Variants in PTPRF observed in about 807,000 individuals in gnomAD.
PTPRF encodes the protein receptor-type tyrosine-protein phosphatase F.
PTPRF carries 59 observed loss-of-function variants against 201.8 expected under a neutral mutation model. The observed-to-expected ratio is 0.29, with a 90% confidence interval of 0.24 to 0.36. The LOEUF (loss-of-function observed/expected upper bound fraction) is 0.36. PTPRF is among the 10% of genes least tolerant of loss of function. The pLI, the probability that PTPRF is intolerant of heterozygous loss-of-function variation, is 1.00. For synonymous variants in PTPRF, 1,088 were observed against 1,089.7 expected (o/e 1.00, Z 0.03); for missense variants, 2,132 against 2,690.5 (o/e 0.79, Z 4.59).
At position 43,592,475 on chromosome 1, in the gene PTPRF, C is replaced by T. The variant is rs771037116; in HGVS notation, c.1687C>T (p.Pro563Ser). The change falls in exon 11 of 34, where the codon CCA becomes TCA. Residue 563 changes from proline to serine, a missense_variant. Transcript: ENST00000359947. ...EDQQHKVTFD[P>S]TSSYTLEDLK... ...TTCCCAGCACAAGGTGACCTTCGAC[C>T]CAACCTCCTCCTACACACTAGAGGA... is the stretch of plus-strand genomic sequence containing the variant. The T allele has an allele frequency of 2.5e-6, 4 of 1,611,154 alleles. No individual in the cohort carries two copies. The Admixed American group carries it at 6.7e-5, about 27-fold the overall frequency.
intron 1 of PTPRF, among the ~76,000 whole-genome samples, chr1:43,536,255 C>T (rs976020344): frequency 6.6e-6 from 1 of 152,088 alleles, no homozygotes; most frequent in Non-Finnish European, 1.5e-5. Context: ...GAATCTGAGT[C>T]TTTATTTGGT....
At chr1:43,568,345 G>T (rs934141716) in intron 5 of PTPRF, among the ~76,000 whole-genome samples, 1 of 151,900 alleles carries the variant, frequency 6.6e-6, no homozygotes, top group African/African-American at 2.4e-5. Flanking sequence ...CTAGTGGGAA[G>T]GGCCTCTCAC....
intron 14 of PTPRF, among the ~76,000 whole-genome samples, chr1:43,602,902 G>T (rs766888866): frequency 2.6e-5 from 4 of 152,164 alleles, no homozygotes; most frequent in Non-Finnish European, 5.9e-5. Context: ...AGAGTTAGTG[G>T]CCTATATGGG....
chr1:43,551,004 G>T (rs1471504243), intron 3 of PTPRF, among the ~76,000 whole-genome samples: 1 of 152,222 alleles, frequency 6.6e-6, no homozygotes, highest in Non-Finnish European at 1.5e-5. Context: ...CAGACCCCGC[G>T]GCTTTGTCTG....
chr1:43,544,250 G>A (rs1162369075), intron 2 of PTPRF, among the ~76,000 whole-genome samples: 1 of 152,220 alleles, frequency 6.6e-6, no homozygotes, highest in Non-Finnish European at 1.5e-5. Context: ...GAGATGTGAG[G>A]TTTGAATTCT....
In PTPRF at chr1:43,602,075, G is replaced by A. The variant is rs760137603; in HGVS notation, c.2318G>A (p.Arg773Gln). Residue 773 changes from arginine to glutamine, a missense_variant, in exon 14 of 34, where the codon CGG becomes CAG. Transcript: ENST00000359947. The part of the protein sequence containing the change: ...QDVMLAEAQW[R>Q]PEESEDYETT... ...CTCTCCCTCTCCCGCGGTCAGTGGCGGCCAGAGGAGTCCGAGGACTATGTA... is the reference window on the plus strand; with the variant it reads ...CTCTCCCTCTCCCGCGGTCAGTGGCAGCCAGAGGAGTCCGAGGACTATGTA... 60 of 1,613,476 alleles carry A rather than the reference G, an allele frequency of 3.7e-5. No homozygotes were observed. The highest frequency in any genetic ancestry group is 1.7e-4 in the Middle Eastern group (1 of 6,060).
chr1:43,598,681 AC>A (rs1482419150), intron 12 of PTPRF, 38 bp from the exon 13 acceptor site: 1 of 1,582,610 alleles, frequency 6.3e-7, no homozygotes, highest in Non-Finnish European at 8.6e-7. Context: ...TAGGGTTGAT[AC>A]CTCCAGGCCT....
chr1:43,607,857 C>A (rs1655512466), intron 21 of PTPRF, among the ~76,000 whole-genome samples: 1 of 152,258 alleles, frequency 6.6e-6, no homozygotes, highest in African/African-American at 2.4e-5. Context: ...CCTACCCCTT[C>A]CTTGCACAGC....
rs150383467 is a variant in PTPRF, at chr1:43,608,285, G to A, written c.3858-1098G>A. Among the ~76,000 whole-genome samples the A allele has an allele frequency of 1.1e-4, 17 of 152,324 alleles. No individual in the cohort carries two copies. The East Asian group carries it at 1.5e-3, about 14-fold the overall frequency. ...TGAGTGCTTGGTGGAAACTGTGACC[G>A]TTCCTTTCTTCTGTCCTTGCTTGTC... On this transcript the variant is annotated intron_variant, in intron 21 of 33. Coordinates refer to ENST00000359947, the MANE Select transcript of PTPRF (RefSeq NM_002840.5).
At chr1:43,577,862 C>T (rs1441807324) in intron 6 of PTPRF, among the ~76,000 whole-genome samples, 1 of 152,162 alleles carries the variant, frequency 6.6e-6, no homozygotes, top group Non-Finnish European at 1.5e-5. Flanking sequence ...GCTGCCTGTG[C>T]CCGGGGGTGT....
chr1:43,611,543 C>G (rs985122096), intron 22 of PTPRF, among the ~76,000 whole-genome samples: 1 of 152,180 alleles, frequency 6.6e-6, no homozygotes, highest in Non-Finnish European at 1.5e-5. Flanking sequence ...GGCTAAGGGG[C>G]TTAGACTTCC....
chr1:43,553,511 A>T lies in PTPRF; in HGVS notation c.111A>T (p.Lys37Asn). Reference sequence around the variant, plus strand: ...TTCCAGGCAAACCTGTCTTCATTAAAGTCCCTGAGGACCAGACTGGGCTGT... The same window carrying T: ...TTCCAGGCAAACCTGTCTTCATTAATGTCCCTGAGGACCAGACTGGGCTGT... ...AHGDSKPVFI[K>N]VPEDQTGLSG... Residue 37 changes from lysine to asparagine, a missense_variant, in exon 4 of 34, where the codon AAA (lysine) becomes AAT (asparagine). By Grantham distance (94) the Lys-to-Asn change is moderately conservative. This residue lies in a region of PTPRF where 297 missense variants were observed against 454.0 expected (regional missense o/e 0.65). Coordinates refer to ENST00000359947, the MANE Select transcript of PTPRF (RefSeq NM_002840.5). The surrounding 1 kb of genome is among the most constrained non-coding windows in gnomAD (Gnocchi z 4.1). 6.2e-7 allele frequency: 1 copy of T among 1,614,086 alleles called. No individual in the cohort carries two copies. The highest frequency in any genetic ancestry group is 8.5e-7 in the Non-Finnish European group (1 of 1,179,972).
chr1:43,611,328 C>T (rs954770589), intron 22 of PTPRF, among the ~76,000 whole-genome samples: 1 of 152,152 alleles, frequency 6.6e-6, no homozygotes, highest in African/African-American at 2.4e-5. Flanking sequence ...GGATGCTGAG[C>T]CATGTGGTTA....
chr1:43,603,905 TC>T lies in PTPRF; in HGVS notation c.2758del (p.Gln920LysfsTer5). ...ACCCCCGAGGACCTGCCCAGCGGCT[TC>T]CCCCAAAACCTGCATGTGACAGGAC... Reference protein sequence around the residue: ...IRTPEDLPSGFPQNLHVTGLT... With the variant: ...IRTPEDLPSGXPQNLHVTGLT... On this transcript the variant is annotated frameshift_variant, in exon 16 of 34. Transcript: ENST00000359947. LOFTEE classifies it high-confidence loss of function. The surrounding 1 kb of genome is among the most constrained non-coding windows in gnomAD (Gnocchi z 5.8). 6.2e-7 allele frequency: 1 copy of T among 1,613,648 alleles called. No homozygotes were observed. The highest frequency in any genetic ancestry group is 8.5e-7 in the Non-Finnish European group (1 of 1,179,936).
chr1:43,546,911 C>G lies in PTPRF; in HGVS notation c.91+1745C>G, dbSNP rs1244033102. ...GAATATCTTTGGAATGCATCCACTTCTCTCTCTACCGCCTTCATCCAAGCC... is the reference window on the plus strand; with the variant it reads ...GAATATCTTTGGAATGCATCCACTTGTCTCTCTACCGCCTTCATCCAAGCC... On this transcript the variant is annotated intron_variant, in intron 3 of 33. Transcript: ENST00000359947. The surrounding 1 kb of genome is among the most constrained non-coding windows in gnomAD (Gnocchi z 4.2). Among the ~76,000 whole-genome samples the G allele has an allele frequency of 6.6e-6, 1 of 152,224 alleles. No individual in the cohort carries two copies. Among genetic ancestry groups the G allele is most frequent in the Non-Finnish European group, 1.5e-5 (1 of 68,034 alleles).
In PTPRF at chr1:43,566,749, C is replaced by T. The variant is rs1229628659; in HGVS notation, c.380-2841C>T. 2.6e-5 allele frequency among the ~76,000 whole-genome samples: 4 copies of T among 152,332 alleles called. No homozygotes were observed. In the East Asian group the frequency reaches 7.7e-4, roughly 29 times the overall value. On this transcript the variant is annotated intron_variant, in intron 5 of 33. Transcript: ENST00000359947. ...CCCTCCTGTAAGACCCACTTCCCTT[C>T]CCGGGTGGCAGAGTGGCAGACTTCC...
intron 5 of PTPRF, among the ~76,000 whole-genome samples, chr1:43,556,863 C>T (rs2842176): frequency 0.28 from 43,210 of 152,086 alleles, 6,607 homozygotes; most frequent in South Asian, 0.41. Flanking sequence ...CTCCGTGCTG[C>T]GTGGCATCAT....
Position 43,537,562 on chromosome 1 carries a change from G to T in PTPRF, c.-125-636G>T, listed in dbSNP as rs1281002546. 6.6e-6 allele frequency among the ~76,000 whole-genome samples: 1 copy of T among 152,248 alleles called. No individual in the cohort carries two copies. The highest frequency in any genetic ancestry group is 1.5e-5 in the Non-Finnish European group (1 of 68,052). ...CCATGCTCCTATCAAGCTTATGGTA[G>T]TGACTCAGTAATTGTAAAAATATAT... is the stretch of plus-strand genomic sequence containing the variant. On this transcript the variant is annotated intron_variant, in intron 1 of 33. Coordinates refer to ENST00000359947, the MANE Select transcript of PTPRF (RefSeq NM_002840.5). This position sits in a 1 kb window ranked among gnomAD's most constrained non-coding sequence, Gnocchi z 4.8.
At chr1:43,530,759 C>A (rs1345999624), upstream of PTPRF, 4 of 152,840 alleles carry the variant, frequency 2.6e-5, no homozygotes, top group Non-Finnish European at 5.9e-5. This position sits in a 1 kb window ranked among gnomAD's most constrained non-coding sequence, Gnocchi z 4.1. Context: ...TGGGCCTCAG[C>A]GGCTCCGCGG....
Sources: gnomAD v4.1 joint callset for allele counts (sites outside exome capture counted in the v4.1 genomes callset) on GRCh38, gnomAD v4.1.1 for gene constraint, gnomAD v4.1.1 regional missense constraint, Gnocchi (gnomAD v3.1) non-coding constraint, MANE v1.5 for transcripts, NCBI Gene and HGNC (gene_info 2026-07-23, HGNC 2026-07-21) for gene names.